WWOX: variants seen among roughly 807,000 people sequenced by gnomAD.
WWOX encodes WW domain containing oxidoreductase.
WWOX carries 69 observed loss-of-function variants against 46.2 expected under a neutral mutation model. The ratio of observed to expected loss-of-function variants is 1.49; its 90% CI spans 1.23 to 1.82. The LOEUF is 1.82. Among genes scored for constraint, WWOX ranks in the 40% most tolerant of loss-of-function variants. The pLI is 0.00. For missense variants in WWOX, 919 were observed against 542.6 expected (o/e 1.69, Z -6.89); for synonymous variants, 359 against 202.6 (o/e 1.77, Z -6.56).
intron 8 of WWOX, among the ~76,000 whole-genome samples, chr16:79,185,439 T>G (rs2050994219): frequency 6.6e-6 from 1 of 152,168 alleles, no homozygotes; most frequent in Non-Finnish European, 1.5e-5. Flanking sequence ...TGGGAGACAA[T>G]TTTTTTCTTT....
At chr16:78,479,526 C>T (rs942124397) in intron 8 of WWOX, among the ~76,000 whole-genome samples, 1 of 152,108 alleles carries the variant, frequency 6.6e-6, no homozygotes, top group African/African-American at 2.4e-5. Context: ...AATGAAGTCA[C>T]TTTGTGGCAT....
At chr16:78,582,574 A>G (rs985317051) in intron 8 of WWOX, among the ~76,000 whole-genome samples, 1 of 152,178 alleles carries the variant, frequency 6.6e-6, no homozygotes, top group Non-Finnish European at 1.5e-5. Flanking sequence ...TTCTAATTAT[A>G]TGTTGATCAA....
chr16:78,124,275 A>G (rs979139718), intron 4 of WWOX: 3 of 152,130 alleles, frequency 2.0e-5, no homozygotes, highest in Non-Finnish European at 4.4e-5. Context: ...GAGTAAAGAT[A>G]TTTTGGTTGT....
At chr16:78,955,345 C>A (rs1020620491) in intron 8 of WWOX, among the ~76,000 whole-genome samples, 35 of 152,138 alleles carry the variant, frequency 2.3e-4, no homozygotes, top group Non-Finnish European at 4.1e-4. Context: ...TTGAGAGGAG[C>A]ATTGAGGAGA....
intron 8 of WWOX, among the ~76,000 whole-genome samples, chr16:79,090,327 G>T (rs1194960124): frequency 6.8e-6 from 1 of 146,196 alleles, no homozygotes; most frequent in African/African-American, 2.5e-5. Flanking sequence ...GTGATATAAT[G>T]TGTTGCATTG....
At chr16:78,889,343 C>G (rs982226443) in intron 8 of WWOX, among the ~76,000 whole-genome samples, 7 of 100,610 alleles carry the variant, frequency 7.0e-5, no homozygotes, top group African/African-American at 2.4e-4. Context: ...ATCTTTGTCC[C>G]TCCCCCACCC....
chr16:78,166,552 T>A (rs368762419), intron 5 of WWOX, among the ~76,000 whole-genome samples: 2 of 151,218 alleles, frequency 1.3e-5, no homozygotes, highest in South Asian at 2.1e-4. Flanking sequence ...TTTCTTTTTT[T>A]TCTTTTTCTT....
rs954228039 is a variant in WWOX, at chr16:78,338,111, G to A, written c.517-48749G>A. ...GGAGAGATGGTAACTAATTTAGGCA[G>A]TGTCTTTTGCTTTCACATGGTGTAC... On this transcript the variant is annotated intron_variant, in intron 5 of 8. Coordinates refer to ENST00000566780, the MANE Select transcript of WWOX (RefSeq NM_016373.4). Among the ~76,000 whole-genome samples the A allele has an allele frequency of 3.3e-5, 4 of 121,670 alleles. 1 individual carries two copies. Among genetic ancestry groups the A allele is most frequent in the Admixed American group, 2.4e-4 (3 of 12,494 alleles). 79.8% of individuals were successfully genotyped at this position (121,670 alleles called of 152,430 possible).
At chr16:78,664,522 G>A (rs947550701) in intron 8 of WWOX, among the ~76,000 whole-genome samples, 2 of 152,162 alleles carry the variant, frequency 1.3e-5, no homozygotes, top group African/African-American at 4.8e-5. Flanking sequence ...TCACTAGCAG[G>A]GATTCCAAGC....
At chr16:78,396,126 T>C (rs888609594) in intron 6 of WWOX, among the ~76,000 whole-genome samples, 1 of 152,206 alleles carries the variant, frequency 6.6e-6, no homozygotes, top group Non-Finnish European at 1.5e-5. Flanking sequence ...TGGCTAGAGA[T>C]TGGAAATAAA....
At chr16:78,739,269 T>A (rs942985884) in intron 8 of WWOX, among the ~76,000 whole-genome samples, 1 of 152,178 alleles carries the variant, frequency 6.6e-6, no homozygotes, top group Non-Finnish European at 1.5e-5. Context: ...CATGGAAGGG[T>A]GCTTGTTCAG....
At chr16:78,764,792 G>A (rs189760849) in intron 8 of WWOX, among the ~76,000 whole-genome samples, 87 of 151,508 alleles carry the variant, frequency 5.7e-4, no homozygotes, top group African/African-American at 2.0e-3. Flanking sequence ...TCTTGAACAC[G>A]GTAAACAACT....
At chr16:78,469,183 C>T (rs187354414) in intron 8 of WWOX, among the ~76,000 whole-genome samples, 1 of 152,274 alleles carries the variant, frequency 6.6e-6, no homozygotes, top group East Asian at 1.9e-4. Flanking sequence ...TTATGGAAAT[C>T]GTCAGGGATA....
At chr16:79,098,296 G>T (rs2049117732) in intron 8 of WWOX, among the ~76,000 whole-genome samples, 1 of 152,200 alleles carries the variant, frequency 6.6e-6, no homozygotes. Context: ...GGAGGAAACT[G>T]AGTCTCAGTG....
rs552958487 is a variant in WWOX, at chr16:78,705,667, T to A, written c.1056+272915T>A. Reference sequence around the variant, plus strand: ...AGCTGTATGATCACCCATGTAAAACTGTTTATTTAGTTATTTATTTATTTA... The same window carrying A: ...AGCTGTATGATCACCCATGTAAAACAGTTTATTTAGTTATTTATTTATTTA... On this transcript the variant is annotated intron_variant, in intron 8 of 8. Coordinates refer to ENST00000566780, the MANE Select transcript of WWOX (RefSeq NM_016373.4). Among the ~76,000 whole-genome samples the A allele has an allele frequency of 5.9e-5, 9 of 152,326 alleles. No homozygotes were observed. In the East Asian group the frequency reaches 1.7e-3, roughly 29 times the overall value.
Position 78,495,455 on chromosome 16 carries a change from G to C in WWOX, c.1056+62703G>C, listed in dbSNP as rs551409951. Among the ~76,000 whole-genome samples the C allele has an allele frequency of 6.4e-4, 53 of 82,584 alleles. 3 individuals are homozygous for C. In the East Asian group the frequency reaches 0.028, roughly 44 times the overall value. 54.2% of individuals were successfully genotyped at this position (82,584 alleles called of 152,430 possible). On this transcript the variant is annotated intron_variant, in intron 8 of 8. Coordinates refer to ENST00000566780, the MANE Select transcript of WWOX (RefSeq NM_016373.4). ...TGCACCTGGCCAGTAGTAGACTTTT[G>C]ATAGGGTTTTTTTTCTCAAGGTGTA...
intron 8 of WWOX, among the ~76,000 whole-genome samples, chr16:79,127,955 C>A (rs139706501): frequency 8.5e-5 from 13 of 152,220 alleles, no homozygotes; most frequent in African/African-American, 2.9e-4. Flanking sequence ...ATGACAGTTA[C>A]GCAAAGGCCT....
intron 8 of WWOX, chr16:79,206,725 T>C (rs2051524642): frequency 1.3e-5 from 2 of 152,236 alleles, no homozygotes; most frequent in African/African-American, 4.8e-5. Context: ...GGTTAGCACT[T>C]ATTCCAAATT....
intron 6 of WWOX, among the ~76,000 whole-genome samples, chr16:78,402,792 C>G (rs1252341377): frequency 6.6e-6 from 1 of 152,154 alleles, no homozygotes; most frequent in Non-Finnish European, 1.5e-5. Flanking sequence ...TTCTCCTGAC[C>G]TCGGAAATAA....
Sources: allele counts gnomAD v4.1 joint callset (sites outside exome capture counted in the v4.1 genomes callset), GRCh38; gene constraint gnomAD v4.1.1; transcripts MANE v1.5; gene names NCBI Gene and HGNC (gene_info 2026-07-23, HGNC 2026-07-21).